The following LRP1B variants were observed in gnomAD, a reference collection of about 807,000 sequenced individuals.
LRP1B encodes low-density lipoprotein receptor-related protein 1B.
LRP1B carries 217 observed loss-of-function variants against 556.6 expected under a neutral mutation model. The observed-to-expected ratio is 0.39, with a 90% CI of 0.35 to 0.44. LRP1B has a LOEUF of 0.44. LRP1B is among the 20% of genes least tolerant of loss of function. The pLI, the probability that LRP1B is intolerant of heterozygous loss-of-function variation, is 1.00. For missense variants in LRP1B, 5,053 were observed against 5,620.8 expected (o/e 0.90, Z 3.23); for synonymous variants, 2,047 against 1,865.8 (o/e 1.10, Z -2.50).
At chr2:140,327,556 T>G (rs1680553607) in intron 79 of LRP1B, among the ~76,000 whole-genome samples, 1 of 152,032 alleles carries the variant, frequency 6.6e-6, no homozygotes, top group Non-Finnish European at 1.5e-5. Flanking sequence ...GCTCCTATAG[T>G]TCAAAACAGT....
intron 41 of LRP1B, among the ~76,000 whole-genome samples, chr2:140,613,905 GTGTA>G (rs967001487): frequency 2.0e-5 from 3 of 152,074 alleles, no homozygotes; most frequent in African/African-American, 4.8e-5. Context: ...CCCTTGAGAT[GTGTA>G]TGTATCTCCT....
Position 140,281,234 on chromosome 2 carries a change from C to T in LRP1B, c.12968-6636G>A, listed in dbSNP as rs940852945. ...ATATGTGCGTGTATGTGCAAATGCA[C>T]AGGTTTACAAATATTTATGGAAAGC... On this transcript the variant is annotated intron_variant, in intron 84 of 90. Transcript: ENST00000389484. Among the ~76,000 whole-genome samples, 4 of 152,026 alleles carry T rather than the reference C, an allele frequency of 2.6e-5. No homozygotes were observed. In the East Asian group the frequency reaches 7.8e-4, roughly 29 times the overall value.
chr2:141,642,858 C>CT (rs1019996340), intron 2 of LRP1B, among the ~76,000 whole-genome samples: 1 of 152,076 alleles, frequency 6.6e-6, no homozygotes, highest in African/African-American at 2.4e-5. Context: ...TGTAGCGAGT[C>CT]TTTTTTACCT....
intron 1 of LRP1B, among the ~76,000 whole-genome samples, chr2:142,121,616 C>T (rs774830870): frequency 2.0e-5 from 3 of 152,156 alleles, no homozygotes; most frequent in Non-Finnish European, 2.9e-5. Flanking sequence ...AGGCCTTCTG[C>T]GATTATAACT....
At chr2:141,890,181 G>A (rs1282396165) in intron 1 of LRP1B, among the ~76,000 whole-genome samples, 1 of 151,458 alleles carries the variant, frequency 6.6e-6, no homozygotes, top group Non-Finnish European at 1.5e-5. Flanking sequence ...ATAATTCATG[G>A]CATTTACAGT....
Position 140,716,815 on chromosome 2 carries a change from T to C in LRP1B, c.5760A>G (p.Glu1920=). The C allele has an allele frequency of 1.3e-6, 2 of 1,578,904 alleles. No individual in the cohort carries two copies. The highest frequency in any genetic ancestry group is 8.6e-7 in the Non-Finnish European group (1 of 1,158,300). Residue 1920 remains glutamate, a splice_region_variant and synonymous_variant, in exon 36 of 91, where the codon GAA becomes GAG. Coordinates refer to ENST00000389484, the MANE Select transcript of LRP1B (RefSeq NM_018557.3). ...SFAVGIDFHA[E]NDTIYWTDMG... ...TGTCTGTCCAGTAGATGGTATCATTTTCTATGGATAAGACACAGAAAAAAA... is the reference window on the plus strand; with the variant it reads ...TGTCTGTCCAGTAGATGGTATCATTCTCTATGGATAAGACACAGAAAAAAA...
chr2:140,549,108 T>G (rs1488801430), intron 43 of LRP1B, among the ~76,000 whole-genome samples: 4 of 152,144 alleles, frequency 2.6e-5, no homozygotes, highest in African/African-American at 9.7e-5. Flanking sequence ...TAATTTCTGT[T>G]TTATGAATCA....
rs547055662 is a variant in LRP1B, at chr2:140,838,919, T to G, written c.5209+1072A>C. Among the ~76,000 whole-genome samples, 390 of 152,310 alleles carry G rather than the reference T, an allele frequency of 2.6e-3. 1 individual carries two copies. Among genetic ancestry groups the G allele is most frequent in the Non-Finnish European group, 4.4e-3 (300 of 68,018 alleles). ...AAAATATTATATTCTAAGAGAATTT[T>G]TATACTTAATATTTTCAAAGATGTT... On this transcript the variant is annotated intron_variant, in intron 31 of 90. Coordinates refer to ENST00000389484, the MANE Select transcript of LRP1B (RefSeq NM_018557.3).
chr2:140,791,809 G>A (rs1227413369), intron 32 of LRP1B, among the ~76,000 whole-genome samples: 1 of 62,864 alleles, frequency 1.6e-5, no homozygotes, highest in African/African-American at 4.7e-5. Context: ...AGCCATTGAA[G>A]GGAATCAGGA....
At chr2:140,648,102 T>C (rs766569354) in intron 41 of LRP1B, among the ~76,000 whole-genome samples, 2 of 152,174 alleles carry the variant, frequency 1.3e-5, no homozygotes, top group South Asian at 4.1e-4. Flanking sequence ...TGGAATACTA[T>C]GCAGCCATAG....
At chr2:140,745,842 G>A (rs1445398425) in intron 35 of LRP1B, among the ~76,000 whole-genome samples, 1 of 152,086 alleles carries the variant, frequency 6.6e-6, no homozygotes, top group Non-Finnish European at 1.5e-5. Flanking sequence ...TTATTATATG[G>A]AGCTTGTCTC....
intron 3 of LRP1B, among the ~76,000 whole-genome samples, chr2:141,259,651 G>A (rs35784032): frequency 0.1 from 15,670 of 152,146 alleles, 1,026 homozygotes; most frequent in South Asian, 0.17. Flanking sequence ...TAACCCAACT[G>A]GACTGTGATA....
chr2:141,291,334 T>C (rs1460014627), intron 3 of LRP1B, among the ~76,000 whole-genome samples: 2 of 152,190 alleles, frequency 1.3e-5, no homozygotes, highest in Non-Finnish European at 2.9e-5. Context: ...AATCCTTCAC[T>C]TCCACTTTGA....
intron 82 of LRP1B, among the ~76,000 whole-genome samples, chr2:140,317,020 C>T (rs946984418): frequency 3.9e-5 from 6 of 151,944 alleles, no homozygotes; most frequent in Non-Finnish European, 7.4e-5. Flanking sequence ...GGAGCTCCGG[C>T]GGAATACCAT....
intron 83 of LRP1B, among the ~76,000 whole-genome samples, chr2:140,307,781 A>C (rs1684129040): frequency 6.6e-6 from 1 of 151,780 alleles, no homozygotes; most frequent in African/African-American, 2.4e-5. Context: ...GATAATAAGT[A>C]ATGTATTAGA....
chr2:140,716,914 TC>T, intron 35 of LRP1B, 98 bp from the exon 36 acceptor site: 2 of 548,778 alleles, frequency 3.6e-6, no homozygotes, highest in Admixed American at 6.4e-5. Flanking sequence ...TTTTAGGATA[TC>T]ATCCTGGGTA....
chr2:142,058,828 G>A (rs1704784705), intron 1 of LRP1B, among the ~76,000 whole-genome samples: 1 of 151,976 alleles, frequency 6.6e-6, no homozygotes, highest in Non-Finnish European at 1.5e-5. Flanking sequence ...TTAACACACA[G>A]CAGAATTAGT....
chr2:140,536,617 A>G lies in LRP1B; in HGVS notation c.7606T>C (p.Cys2536Arg), dbSNP rs2105003401. The G allele has an allele frequency of 6.2e-7, 1 of 1,612,018 alleles. No individual in the cohort carries two copies. Among genetic ancestry groups the G allele is most frequent in the Non-Finnish European group, 8.5e-7 (1 of 1,179,014 alleles). ...AGTTTTTCATCTGATTTATCTTTAC[A>G]GTGAGGAATGCCATCACAGGTGAGC... The part of the protein sequence containing the change: ...YQLTCDGIPH[C>R]KDKSDEKLLY... Residue 2536 changes from cysteine (C) to arginine (R), a missense_variant, in exon 46 of 91, where the codon TGT (cysteine) becomes CGT (arginine). Around this residue, in one of 5 missense-constraint regions of LRP1B, gnomAD observed 3,619 missense variants for 3,931.9 expected, o/e 0.92. Transcript: ENST00000389484.
intron 35 of LRP1B, among the ~76,000 whole-genome samples, chr2:140,717,946 A>C (rs555889507): frequency 2.0e-5 from 3 of 152,186 alleles, no homozygotes; most frequent in Non-Finnish European, 4.4e-5. Flanking sequence ...CTATCCAAAT[A>C]TATGTCTAGA....
Sources: allele counts gnomAD v4.1 joint callset (sites outside exome capture counted in the v4.1 genomes callset), GRCh38; gene constraint gnomAD v4.1.1; regional missense constraint gnomAD v4.1.1; transcripts MANE v1.5; gene names NCBI Gene and HGNC (gene_info 2026-07-23, HGNC 2026-07-21).